FRAS1: variants seen among roughly 807,000 people sequenced by gnomAD.
The protein encoded by FRAS1 is extracellular matrix organizing protein FRAS1.
Under a neutral mutation model 435.2 loss-of-function variants are expected in FRAS1, and 290 were observed. The ratio of observed to expected loss-of-function variants is 0.67; its 90% CI spans 0.61 to 0.73. The LOEUF (loss-of-function observed/expected upper bound fraction) is 0.73, where lower values mean the gene tolerates loss of function less well. FRAS1 is among the 30% of genes least tolerant of loss of function. The pLI is 0.00. For synonymous variants in FRAS1, 1,800 were observed against 1,851.0 expected, an observed-to-expected ratio of 0.97 and a Z score of 0.71; for missense variants, 4,860 against 5,001.5, an observed-to-expected ratio of 0.97 and a Z score of 0.85.
Position 78,335,701 on chromosome 4 carries a change from C to T in FRAS1, c.2279-1973C>T, listed in dbSNP as rs370086920. Reference sequence around the variant, plus strand: ...GTGCACTTCCCAGCCCCACTTTCCCCGGGCTACAGCAGAATAGAGCAAAAG... The same window carrying T: ...GTGCACTTCCCAGCCCCACTTTCCCTGGGCTACAGCAGAATAGAGCAAAAG... On this transcript the variant is annotated intron_variant, in intron 19 of 73. Transcript: ENST00000512123. 2.6e-4 allele frequency among the ~76,000 whole-genome samples: 40 copies of T among 152,246 alleles called. 1 individual carries two copies. Among genetic ancestry groups the T allele is most frequent in the African/African-American group, 8.9e-4 (37 of 41,556 alleles).
chr4:78,241,322 A>G (rs1724995590), intron 3 of FRAS1, among the ~76,000 whole-genome samples: 1 of 152,174 alleles, frequency 6.6e-6, no homozygotes, highest in African/African-American at 2.4e-5. Context: ...TTCTTCCTCC[A>G]GACTCTTAGC....
intron 14 of FRAS1, among the ~76,000 whole-genome samples, 171 bp from the exon 15 acceptor site, chr4:78,307,895 C>T (rs541657222): frequency 1.3e-5 from 2 of 152,302 alleles, no homozygotes; most frequent in South Asian, 4.1e-4. Context: ...GAAACGGTTT[C>T]TTGAAGAAGA....
At chr4:78,540,436 T>G in intron 73 of FRAS1, 95 bp from the exon 74 acceptor site, 1 of 682,950 alleles carries the variant, frequency 1.5e-6, no homozygotes, top group East Asian at 2.9e-5. Context: ...AAATCAGTTA[T>G]CTATCAAGGC....
intron 2 of FRAS1, among the ~76,000 whole-genome samples, chr4:78,236,142 A>AATGAG (rs1724744489): frequency 6.6e-6 from 1 of 152,086 alleles, no homozygotes; most frequent in African/African-American, 2.4e-5. Context: ...TCCAGGGGAG[A>AATGAG]ATGAGATATG....
Position 78,242,468 on chromosome 4 carries a change from C to G in FRAS1, c.217-2765C>G, listed in dbSNP as rs113650336. On this transcript the variant is annotated intron_variant, in intron 3 of 73. Transcript: ENST00000512123. ...TTATTTTATTTTAGACAGAGTTTCACTCTGCTGTCCAGGCTGGAGTGCAGT... is the reference window on the plus strand; with the variant it reads ...TTATTTTATTTTAGACAGAGTTTCAGTCTGCTGTCCAGGCTGGAGTGCAGT... Among the ~76,000 whole-genome samples, 425 of 152,336 alleles carry G rather than the reference C, an allele frequency of 2.8e-3. 2 individuals are homozygous for G. Among genetic ancestry groups the G allele is most frequent in the African/African-American group, 9.8e-3 (406 of 41,572 alleles).
intron 2 of FRAS1, among the ~76,000 whole-genome samples, chr4:78,209,346 C>G (rs1723407262): frequency 1.3e-5 from 2 of 152,146 alleles, no homozygotes; most frequent in Admixed American, 1.3e-4. Flanking sequence ...CCCTTCCCTT[C>G]TGGCTTCCTG....
intron 66 of FRAS1, among the ~76,000 whole-genome samples, chr4:78,517,571 A>G (rs1487340594): frequency 6.6e-6 from 1 of 152,250 alleles, no homozygotes; most frequent in Non-Finnish European, 1.5e-5. Flanking sequence ...TAGGAAGAAT[A>G]TAGAACTTAG....
intron 2 of FRAS1, among the ~76,000 whole-genome samples, chr4:78,201,073 AT>A (rs1723033559): frequency 6.6e-6 from 1 of 151,948 alleles, no homozygotes; most frequent in Non-Finnish European, 1.5e-5. Context: ...CTGATCTCAG[AT>A]GTATTCTTAT....
At chr4:78,091,793 T>C (rs532140067) in intron 2 of FRAS1, among the ~76,000 whole-genome samples, 89 of 151,826 alleles carry the variant, frequency 5.9e-4, no homozygotes, top group Non-Finnish European at 1.0e-3. Context: ...GAGTAGCTCA[T>C]ACTGCAGATG....
intron 20 of FRAS1, among the ~76,000 whole-genome samples, chr4:78,340,245 A>G (rs1560667303): frequency 6.6e-6 from 1 of 152,146 alleles, no homozygotes; most frequent in Non-Finnish European, 1.5e-5. Context: ...GAAAAGGAAA[A>G]TCTTGGCTGT....
chr4:78,479,254 G>A, intron 55 of FRAS1, 120 bp from the exon 56 acceptor site: 1 of 578,480 alleles, frequency 1.7e-6, no homozygotes, highest in East Asian at 3.3e-5. Flanking sequence ...TTATGTCAGA[G>A]TTTGAACAGA....
At chr4:78,181,761 G>C in intron 2 of FRAS1, 1 of 1,610,408 alleles carries the variant, frequency 6.2e-7, no homozygotes, top group South Asian at 1.1e-5. Context: ...ACGGGCGGCT[G>C]CGTCTCCTCT....
chr4:78,363,558 C>T lies in FRAS1; in HGVS notation c.2468C>T (p.Thr823Ile). The stretch of plus-strand genomic sequence containing the variant: ...CACTGTGCAGCTGATCTCCACAACA[C>T]TGGGAGCATCTGCCTCAGGTGCCAG... The part of the protein sequence containing the change: ...CQHCAADLHN[T>I]GSICLRCQNA... Residue 823 changes from threonine to isoleucine, a missense_variant, in exon 21 of 74, where the codon ACT becomes ATT. Transcript: ENST00000512123. 5.6e-6 allele frequency: 9 copies of T among 1,613,386 alleles called. No homozygotes were observed. Among genetic ancestry groups the T allele is most frequent in the Non-Finnish European group, 7.6e-6 (9 of 1,179,678 alleles).
chr4:78,134,975 A>T (rs911772380), intron 2 of FRAS1, among the ~76,000 whole-genome samples: 31 of 152,134 alleles, frequency 2.0e-4, no homozygotes, highest in Non-Finnish European at 4.1e-4. Flanking sequence ...TTATTTTTTT[A>T]AAATCCGAAT....
At chr4:78,525,109 G>A (rs1482783195) in intron 69 of FRAS1, among the ~76,000 whole-genome samples, 1 of 152,172 alleles carries the variant, frequency 6.6e-6, no homozygotes, top group Non-Finnish European at 1.5e-5. Context: ...TAAGGAGTGG[G>A]AGTAGGGCCA....
At chr4:78,260,161 G>C (rs1331989312) in intron 6 of FRAS1, among the ~76,000 whole-genome samples, 1 of 151,706 alleles carries the variant, frequency 6.6e-6, no homozygotes, top group African/African-American at 2.4e-5. Context: ...TATTCTTTTG[G>C]CTTAGGATTG....
intron 29 of FRAS1, among the ~76,000 whole-genome samples, chr4:78,390,209 T>C (rs906013097): frequency 2.0e-5 from 3 of 152,200 alleles, no homozygotes; most frequent in Non-Finnish European, 4.4e-5. Flanking sequence ...AAGGTTAGAG[T>C]AGAGGCTATG....
rs762158762 is a variant in FRAS1, at chr4:78,199,854, T to C, written c.109-37656T>C. On this transcript the variant is annotated intron_variant, in intron 2 of 73. Transcript: ENST00000512123. ...AATGGAAAGTGCTTAGAATTGTGTCTTGGAACATGGTGAGTCAGTACTCAG... is the reference window on the plus strand; with the variant it reads ...AATGGAAAGTGCTTAGAATTGTGTCCTGGAACATGGTGAGTCAGTACTCAG... 2.0e-5 allele frequency among the ~76,000 whole-genome samples: 3 copies of C among 152,326 alleles called. No homozygotes were observed. The South Asian group carries it at 6.2e-4, about 32-fold the overall frequency.
chr4:78,453,875 A>G (rs1719100637), intron 47 of FRAS1, among the ~76,000 whole-genome samples: 7 of 152,210 alleles, frequency 4.6e-5, no homozygotes, highest in Admixed American at 3.3e-4. Flanking sequence ...TTGGAGTTTT[A>G]GAGCTTCGTG....
Sources: allele counts gnomAD v4.1 joint callset (sites outside exome capture counted in the v4.1 genomes callset), GRCh38; gene constraint gnomAD v4.1.1; transcripts MANE v1.5; gene names NCBI Gene and HGNC (gene_info 2026-07-23, HGNC 2026-07-21).